Variants in SGMS1 observed in about 807,000 individuals in gnomAD.
The protein encoded by SGMS1 is phosphatidylcholine:ceramide cholinephosphotransferase 1.
Under a neutral mutation model 46.2 loss-of-function variants are expected in SGMS1, and 13 were observed. The observed-to-expected ratio is 0.28, with a 90% CI of 0.18 to 0.45. SGMS1 has a LOEUF of 0.45. SGMS1 is among the 20% of genes least tolerant of loss of function. The pLI, the probability that SGMS1 is intolerant of heterozygous loss-of-function variation, is 1.00. For missense variants in SGMS1, 324 were observed against 519.9 expected (o/e 0.62, Z 3.66); for synonymous variants, 203 against 187.8 (o/e 1.08, Z -0.66).
intron 8 of SGMS1, among the ~76,000 whole-genome samples, chr10:50,319,023 T>C (rs1163059254): frequency 1.3e-5 from 2 of 152,218 alleles, no homozygotes; most frequent in African/African-American, 2.4e-5. Flanking sequence ...TATGGATTTC[T>C]ATTACCCATA....
At chr10:50,346,632 C>T (rs984365400) in intron 6 of SGMS1, among the ~76,000 whole-genome samples, 7 of 152,062 alleles carry the variant, frequency 4.6e-5, no homozygotes, top group Admixed American at 2.0e-4. Flanking sequence ...TTTCTCAAGC[C>T]GACTTCATCA....
intron 2 of SGMS1, among the ~76,000 whole-genome samples, chr10:50,584,932 T>C (rs561515646): frequency 8.5e-5 from 13 of 152,316 alleles, no homozygotes; most frequent in South Asian, 2.1e-4. Flanking sequence ...TTCCTTTACA[T>C]TGGTCTGAGG....
At chr10:50,585,903 T>C (rs1006521517) in intron 2 of SGMS1, among the ~76,000 whole-genome samples, 13 of 152,216 alleles carry the variant, frequency 8.5e-5, no homozygotes, top group African/African-American at 2.9e-4. Flanking sequence ...GATTACTACA[T>C]GACTACAGAG....
intron 6 of SGMS1, among the ~76,000 whole-genome samples, chr10:50,398,009 G>T (rs896554939): frequency 6.6e-6 from 1 of 152,130 alleles, no homozygotes; most frequent in Non-Finnish European, 1.5e-5. Context: ...ATTTCAAAAG[G>T]CTACACACAG....
chr10:50,444,843 C>G (rs1369419238), intron 5 of SGMS1, among the ~76,000 whole-genome samples: 1 of 151,888 alleles, frequency 6.6e-6, no homozygotes, highest in African/African-American at 2.4e-5. Context: ...AAAATACTAC[C>G]AATAAAAGAA....
chr10:50,455,971 C>G (rs148997869), intron 5 of SGMS1, among the ~76,000 whole-genome samples: 175 of 152,226 alleles, frequency 1.1e-3, no homozygotes, highest in African/African-American at 3.9e-3. Context: ...TCTATGGAAA[C>G]CACTATCATA....
intron 3 of SGMS1, among the ~76,000 whole-genome samples, chr10:50,494,885 A>C (rs2133745608): frequency 6.6e-6 from 1 of 151,690 alleles, no homozygotes; most frequent in South Asian, 2.1e-4. Flanking sequence ...AAATACAAAA[A>C]ATTAGCCGGG....
chr10:50,377,854 T>C (rs984104868), intron 6 of SGMS1, among the ~76,000 whole-genome samples: 10 of 152,320 alleles, frequency 6.6e-5, no homozygotes, highest in Middle Eastern at 6.8e-3. Flanking sequence ...TGTGGCCACA[T>C]CACTCCTATC....
chr10:50,385,827 A>C (rs890350485), intron 6 of SGMS1, among the ~76,000 whole-genome samples: 1 of 152,182 alleles, frequency 6.6e-6, no homozygotes, highest in Non-Finnish European at 1.5e-5. Context: ...TTGAGAACAC[A>C]AAAGGCATTC....
At chr10:50,612,573 A>T (rs936833029) in intron 1 of SGMS1, among the ~76,000 whole-genome samples, 1 of 152,248 alleles carries the variant, frequency 6.6e-6, no homozygotes, top group African/African-American at 2.4e-5. Flanking sequence ...AAATTCAGGG[A>T]AAATAAAATA....
chr10:50,616,577 G>C (rs1838799802), intron 1 of SGMS1, among the ~76,000 whole-genome samples: 1 of 152,144 alleles, frequency 6.6e-6, no homozygotes, highest in African/African-American at 2.4e-5. Context: ...GCGGCGGGGG[G>C]TGTTGTTATT....
At chr10:50,502,329 A>C (rs944482935) in intron 3 of SGMS1, among the ~76,000 whole-genome samples, 1 of 147,198 alleles carries the variant, frequency 6.8e-6, no homozygotes, top group Non-Finnish European at 1.5e-5. Flanking sequence ...AAAAACCAGC[A>C]CAGCAGGAGA....
chr10:50,423,835 A>G (rs547080396), intron 6 of SGMS1, among the ~76,000 whole-genome samples: 1 of 152,360 alleles, frequency 6.6e-6, no homozygotes, highest in South Asian at 2.1e-4. Context: ...AACTCCATTC[A>G]TGACATTGTT....
intron 2 of SGMS1, among the ~76,000 whole-genome samples, chr10:50,531,881 TTACAGA>T (rs1173686440): frequency 5.9e-5 from 9 of 152,166 alleles, no homozygotes; most frequent in African/African-American, 2.2e-4. Flanking sequence ...ATAAAGAGAC[TTACAGA>T]TAAAGTTCAG....
intron 2 of SGMS1, among the ~76,000 whole-genome samples, chr10:50,563,519 G>C (rs899375794): frequency 5.3e-5 from 8 of 151,754 alleles, no homozygotes; most frequent in Non-Finnish European, 1.5e-5. Flanking sequence ...CGAGGCGGGC[G>C]GATCACGAGG....
At chr10:50,367,684 A>G (rs1848368731) in intron 6 of SGMS1, among the ~76,000 whole-genome samples, 1 of 152,222 alleles carries the variant, frequency 6.6e-6, no homozygotes, top group Non-Finnish European at 1.5e-5. Context: ...TTTGAAAACA[A>G]ATATCCATCA....
chr10:50,388,801 C>T (rs1331549922), intron 6 of SGMS1, among the ~76,000 whole-genome samples: 2 of 152,074 alleles, frequency 1.3e-5, no homozygotes, highest in African/African-American at 4.8e-5. Context: ...TAAAACAAAA[C>T]ACCTGATTAT....
chr10:50,624,788 G>T (rs962056891), upstream of SGMS1: 3 of 986,368 alleles, frequency 3.0e-6, no homozygotes, highest in Non-Finnish European at 2.4e-6. Context: ...TGGCCTTCCC[G>T]CCCCGATGCC....
intron 5 of SGMS1, among the ~76,000 whole-genome samples, chr10:50,435,641 A>G (rs1293346122): frequency 6.6e-6 from 1 of 152,204 alleles, no homozygotes; most frequent in African/African-American, 2.4e-5. Flanking sequence ...AATTCCTGAA[A>G]AGAGGGAATG....
Sources: allele counts gnomAD v4.1 joint callset (sites outside exome capture counted in the v4.1 genomes callset), GRCh38; gene constraint gnomAD v4.1.1; transcripts MANE v1.5; gene names NCBI Gene and HGNC (gene_info 2026-07-23, HGNC 2026-07-21).